Variants in TBC1D4 observed in about 807,000 individuals in gnomAD.
The protein encoded by TBC1D4 is TBC (Tre-2, BUB2, CDC16) domain-containing protein.
TBC1D4 carries 121 observed loss-of-function variants against 142.5 expected under a neutral mutation model. That is an observed-to-expected ratio of 0.85 (90% CI 0.73 to 0.99). The LOEUF is 0.99. TBC1D4 is among the 50% of genes least tolerant of loss of function. The pLI is 0.00. For synonymous variants in TBC1D4, 630 were observed against 628.2 expected (o/e 1.00, Z -0.04); for missense variants, 1,475 against 1,606.6 (o/e 0.92, Z 1.40).
At chr13:75,370,736 G>C (rs1883179082) in intron 1 of TBC1D4, among the ~76,000 whole-genome samples, 1 of 152,168 alleles carries the variant, frequency 6.6e-6, no homozygotes, top group Non-Finnish European at 1.5e-5. Flanking sequence ...ACATTCAAGA[G>C]GAGATGTCAG....
chr13:75,422,165 C>A (rs1462229660), intron 1 of TBC1D4, among the ~76,000 whole-genome samples: 2 of 152,150 alleles, frequency 1.3e-5, no homozygotes, highest in Non-Finnish European at 2.9e-5. Context: ...ATAATGCTGA[C>A]CCAGATTGCA....
chr13:75,368,941 G>A (rs1037170501), intron 1 of TBC1D4, among the ~76,000 whole-genome samples: 15 of 152,148 alleles, frequency 9.9e-5, no homozygotes, highest in African/African-American at 3.6e-4. Context: ...CTACTCCTGA[G>A]GCTGAGGCAG....
chr13:75,371,220 C>T (rs8181837), intron 1 of TBC1D4, among the ~76,000 whole-genome samples: 29,141 of 152,024 alleles, frequency 0.19, 3,120 homozygotes, highest in East Asian at 0.34. Flanking sequence ...CCTATAAGGG[C>T]AGCAGTAGGA....
chr13:75,478,090 A>AC (rs1476691807), intron 1 of TBC1D4, among the ~76,000 whole-genome samples: 1 of 152,186 alleles, frequency 6.6e-6, no homozygotes, highest in African/African-American at 2.4e-5. Flanking sequence ...CCCACAACAG[A>AC]CCCCCAAGCG....
rs145894562 is a variant in TBC1D4, at chr13:75,431,890, T to G, written c.498+49380A>C. Among the ~76,000 whole-genome samples the G allele has an allele frequency of 2.8e-3, 431 of 152,258 alleles. 5 individuals carry two copies. Among genetic ancestry groups the G allele is most frequent in the African/African-American group, 1.0e-2 (415 of 41,556 alleles). ...CAGCTTGTTACCTATTAAGAAATAT[T>G]GAGAGGAACCAGGAAAGGAAGGAGT... On this transcript the variant is annotated intron_variant, in intron 1 of 20. Transcript: ENST00000377636.
At chr13:75,409,380 T>G in intron 1 of TBC1D4, among the ~76,000 whole-genome samples, 1 of 152,180 alleles carries the variant, frequency 6.6e-6, no homozygotes, top group East Asian at 1.9e-4. Context: ...TCCCAGATAT[T>G]TCAACTGACT....
chr13:75,384,581 A>T (rs1884064353), intron 1 of TBC1D4, among the ~76,000 whole-genome samples: 1 of 79,670 alleles, frequency 1.3e-5, no homozygotes, highest in African/African-American at 5.0e-5. Context: ...AAGTTTCTTT[A>T]AAAAAAAAAA....
chr13:75,377,101 C>A (rs1883554186), intron 1 of TBC1D4, among the ~76,000 whole-genome samples: 1 of 152,302 alleles, frequency 6.6e-6, no homozygotes, highest in East Asian at 1.9e-4. Context: ...GTGTGAACAT[C>A]AAGTCTTCAG....
chr13:75,361,937 T>C lies in TBC1D4; in HGVS notation c.1080+89A>G, dbSNP rs567435993. On this transcript the variant is annotated intron_variant, in intron 2 of 20. Transcript: ENST00000377636. ...AATAAAAGTTAGATTATTCGTTATA[T>C]AGAGGTGGAGCTGGGAGGAACTGGA... 5.6e-5 allele frequency: 79 copies of C among 1,422,844 alleles called. No individual in the cohort carries two copies. In the East Asian group the frequency reaches 8.2e-4, roughly 15 times the overall value. 88.1% of individuals were successfully genotyped at this position (1,422,844 alleles called of 1,614,324 possible).
At chr13:75,377,519 G>A (rs1164096375) in intron 1 of TBC1D4, among the ~76,000 whole-genome samples, 1 of 151,944 alleles carries the variant, frequency 6.6e-6, no homozygotes, top group Non-Finnish European at 1.5e-5. Flanking sequence ...ATTATGTGAT[G>A]CAAATACCAC....
intron 1 of TBC1D4, among the ~76,000 whole-genome samples, chr13:75,400,717 C>T (rs1218278717): frequency 4.0e-5 from 6 of 151,890 alleles, no homozygotes; most frequent in African/African-American, 9.7e-5. Context: ...CCACCTGCCT[C>T]GGCCTCCCAA....
chr13:75,336,786 A>AT, intron 8 of TBC1D4, 135 bp downstream of exon 8: 1 of 1,151,258 alleles, frequency 8.7e-7, no homozygotes, highest in Non-Finnish European at 1.2e-6. Flanking sequence ...TTGTTAAATA[A>AT]TTTTTAAAAG....
At chr13:75,466,515 A>T (rs564097308) in intron 1 of TBC1D4, among the ~76,000 whole-genome samples, 14 of 152,322 alleles carry the variant, frequency 9.2e-5, no homozygotes, top group South Asian at 2.1e-4. Context: ...AATTATGAAG[A>T]TCTAAATATA....
intron 4 of TBC1D4, among the ~76,000 whole-genome samples, chr13:75,354,907 G>A (rs757252489): frequency 6.6e-6 from 1 of 152,130 alleles, no homozygotes; most frequent in Non-Finnish European, 1.5e-5. Context: ...AACCCATTTA[G>A]CAACAGCCTC....
At chr13:75,368,585 T>TC (rs1883053125) in intron 1 of TBC1D4, among the ~76,000 whole-genome samples, 1 of 152,222 alleles carries the variant, frequency 6.6e-6, no homozygotes, top group South Asian at 2.1e-4. Flanking sequence ...CTAAGTTCTC[T>TC]CCTCTCATGC....
rs975031918 is a variant in TBC1D4, at chr13:75,390,073, C to T, written c.499-27466G>A. Among the ~76,000 whole-genome samples the T allele has an allele frequency of 5.9e-5, 9 of 151,876 alleles. No homozygotes were observed. In the South Asian group the frequency reaches 1.3e-3, roughly 21 times the overall value. Reference sequence around the variant, plus strand: ...GGCAGATCAGTTGGGGTCAGGAGTTCGAGACCAGCCTGGCCAACATGGTGA... The same window carrying T: ...GGCAGATCAGTTGGGGTCAGGAGTTTGAGACCAGCCTGGCCAACATGGTGA... On this transcript the variant is annotated intron_variant, in intron 1 of 20. Transcript: ENST00000377636.
intron 1 of TBC1D4, among the ~76,000 whole-genome samples, chr13:75,385,328 C>G (rs564579861): frequency 6.6e-6 from 1 of 152,144 alleles, no homozygotes; most frequent in Non-Finnish European, 1.5e-5. Context: ...ATGGCTCCCA[C>G]GCAAAACGTT....
intron 4 of TBC1D4, 138 bp downstream of exon 4, chr13:75,356,009 A>G: frequency 1.4e-6 from 1 of 715,312 alleles, no homozygotes; most frequent in South Asian, 1.5e-5. Context: ...GCTGCTTTGA[A>G]GGGGAGGAAC....
At position 75,446,483 on chromosome 13, in the gene TBC1D4, G is replaced by A. The variant is rs17064473; in HGVS notation, c.498+34787C>T. On this transcript the variant is annotated intron_variant, in intron 1 of 20. Coordinates refer to ENST00000377636, the MANE Select transcript of TBC1D4 (RefSeq NM_014832.5). ...AAATGGAAGATCAGAACCAAGGAAA[G>A]GAGAAAGAAGCTAACATGAAATCAA... Among the ~76,000 whole-genome samples, 660 of 152,302 alleles carry A rather than the reference G, an allele frequency of 4.3e-3. 6 individuals are homozygous for A. The highest frequency in any genetic ancestry group is 0.015 in the African/African-American group (625 of 41,562).
Sources: gnomAD v4.1 joint callset for allele counts (sites outside exome capture counted in the v4.1 genomes callset) on GRCh38, gnomAD v4.1.1 for gene constraint, MANE v1.5 for transcripts, NCBI Gene and HGNC (gene_info 2026-07-23, HGNC 2026-07-21) for gene names.